Variants in ZNF57 observed in about 807,000 individuals in gnomAD.
ZNF57 encodes zinc finger protein 424.
Under a neutral mutation model 13.4 loss-of-function variants are expected in ZNF57, and 11 were observed. The ratio of observed to expected loss-of-function variants is 0.82; its 90% CI spans 0.52 to 1.36. The LOEUF (loss-of-function observed/expected upper bound fraction) is 1.36. Ranked by LOEUF, ZNF57 falls within the 40% of genes most tolerant of loss-of-function variation. ZNF57 has a pLI of 0.00. For synonymous variants in ZNF57, 224 were observed against 238.5 expected (o/e 0.94, Z 0.56); for missense variants, 696 against 667.5 (o/e 1.04, Z -0.47).
chr19:2,908,195 T>C (rs2088092873), intron 1 of ZNF57, among the ~76,000 whole-genome samples: 1 of 152,210 alleles, frequency 6.6e-6, no homozygotes, highest in Non-Finnish European at 1.5e-5. Context: ...ATCTCTTTGT[T>C]CTGTTGGGGT....
chr19:2,907,229 G>C (rs1337791087), intron 1 of ZNF57: 1 of 152,198 alleles, frequency 6.6e-6, no homozygotes, highest in Admixed American at 6.5e-5. Context: ...TCTGGCCGTG[G>C]GTGTTGATAA....
chr19:2,911,934 A>C (rs1232800934), intron 1 of ZNF57, among the ~76,000 whole-genome samples: 1 of 152,156 alleles, frequency 6.6e-6, no homozygotes, highest in Non-Finnish European at 1.5e-5. Flanking sequence ...TGATAATTCC[A>C]ATGTCCCTGC....
intron 3 of ZNF57, chr19:2,916,688 C>A: frequency 3.1e-6 from 1 of 326,778 alleles, no homozygotes; most frequent in Non-Finnish European, 5.5e-6. Context: ...TGCACTCCAG[C>A]CTGGGTGACA....
At position 2,916,806 on chromosome 19, in the gene ZNF57, T is replaced by TAGAAAAACTTCACGTATACTGAA; in HGVS notation, c.303-116_303-94dup. The stretch of plus-strand genomic sequence containing the variant: ...ATATGTCTCTTCAAACAATTCAGAA[T>TAGAAAAACTTCACGTATACTGAA]AGAAAAACTTCACGTATACTGAAAT... On this transcript the variant is annotated intron_variant, in intron 3 of 3. Transcript: ENST00000306908. 3.6e-6 allele frequency: 3 copies of TAGAAAAACTTCACGTATACTGAA among 838,408 alleles called. No individual in the cohort carries two copies. In the Admixed American group the frequency reaches 9.8e-5, roughly 28 times the overall value. 51.9% of individuals were successfully genotyped at this position (838,408 alleles called of 1,614,324 possible). A position where few individuals can be genotyped will look rare whatever the true frequency, so the allele number is the denominator to read the frequency against.
intron 1 of ZNF57, among the ~76,000 whole-genome samples, chr19:2,906,608 G>C (rs1226129176): frequency 6.6e-6 from 1 of 152,182 alleles, no homozygotes; most frequent in Non-Finnish European, 1.5e-5. Context: ...TAAAGAAACA[G>C]TCCAAAGCCA....
At chr19:2,911,426 G>A (rs960019724) in intron 1 of ZNF57, among the ~76,000 whole-genome samples, 7 of 152,056 alleles carry the variant, frequency 4.6e-5, no homozygotes, top group Non-Finnish European at 7.4e-5. Context: ...CCAGCTGCTC[G>A]GGAGGCTGAT....
At position 2,904,791 on chromosome 19, in the gene ZNF57, C is replaced by G. The variant is rs532871532; in HGVS notation, c.3+3743C>G. On this transcript the variant is annotated intron_variant, in intron 1 of 3. Transcript: ENST00000306908. ...TCTTGGCCTCAAGTGATCTACCTGC[C>G]TCAGCCTCCCAAAGTGCTGGGATTA... Among the ~76,000 whole-genome samples, 7 of 152,294 alleles carry G rather than the reference C, an allele frequency of 4.6e-5. No homozygotes were observed. In the East Asian group the frequency reaches 1.4e-3, roughly 29 times the overall value.
rs528435176 is a variant in ZNF57 at position 2,910,853 on chromosome 19, G to C, written c.4-4669G>C. ...TCGTGATCCGCCCGCCTCGGCCTCC[G>C]GAAGTGCTGGGATGACGGGCGTGAG... On this transcript the variant is annotated intron_variant, in intron 1 of 3. Transcript: ENST00000306908. Among the ~76,000 whole-genome samples the C allele has an allele frequency of 1.4e-3, 198 of 142,548 alleles. 6 individuals carry two copies. The highest frequency in any genetic ancestry group is 4.7e-3 in the African/African-American group (176 of 37,316). 93.5% of individuals were successfully genotyped at this position (142,548 alleles called of 152,430 possible).
chr19:2,916,227 GA>G lies in ZNF57; in HGVS notation c.282del (p.Asp95ThrfsTer6). ...AAAAAATTGTGAAGGCTATGGCACT[GA>G]AGACCACCACAAAAATCTGAGGTGA... Reference protein sequence around the residue: ...LEKNCEGYGTEDHHKNLRNHM... With the variant: ...LEKNCEGYGTXDHHKNLRNHM... On this transcript the variant is annotated frameshift_variant, in exon 3 of 4. Transcript: ENST00000306908. LOFTEE classifies it low-confidence loss of function (END_TRUNC). The G allele has an allele frequency of 6.2e-7, 1 of 1,607,730 alleles. No individual in the cohort carries two copies. The highest frequency in any genetic ancestry group is 8.5e-7 in the Non-Finnish European group (1 of 1,177,800).
intron 1 of ZNF57, among the ~76,000 whole-genome samples, chr19:2,911,109 T>C (rs78721077): frequency 0.013 from 1,936 of 152,116 alleles, 38 homozygotes; most frequent in African/African-American, 0.044. Flanking sequence ...ATCAGCCAGG[T>C]TGGAGTGCAG....
chr19:2,908,323 G>A (rs1024764730), intron 1 of ZNF57, among the ~76,000 whole-genome samples: 3 of 151,894 alleles, frequency 2.0e-5, no homozygotes, highest in East Asian at 1.9e-4. Flanking sequence ...GGTCATGGGC[G>A]TCTTCATTTT....
intron 2 of ZNF57, 57 bp downstream of exon 2, chr19:2,915,705 A>C (rs765326423): frequency 1.5e-5 from 24 of 1,611,612 alleles, no homozygotes; most frequent in Non-Finnish European, 2.0e-5. Context: ...CTTTCTCATC[A>C]GTTCTGTTGC....
At position 2,917,461 on chromosome 19, in the gene ZNF57, T is replaced by A. The variant is rs200527158; in HGVS notation, c.840T>A (p.Tyr280Ter). 1 of 1,614,052 alleles carries A rather than the reference T, an allele frequency of 6.2e-7. No homozygotes were observed. The highest frequency in any genetic ancestry group is 8.5e-7 in the Non-Finnish European group (1 of 1,179,996). The change falls in exon 4 of 4, where the codon TAT (tyrosine) becomes TAA (stop). Residue 280 changes from tyrosine to a stop codon, truncating the protein, a stop_gained. Transcript: ENST00000306908. LOFTEE classifies it low-confidence loss of function (END_TRUNC). ...HMTTHTGEKPYKCQHCGKAFT... is the reference protein window; with the variant it reads ...HMTTHTGEKP The stretch of plus-strand genomic sequence containing the variant: ...CAACACACACTGGAGAGAAGCCCTA[T>A]AAATGTCAGCACTGTGGGAAAGCCT...
rs780402397 is a variant in ZNF57 at position 2,915,599 on chromosome 19, C to T, written c.81C>T (p.Asp27=). ...CTTTGCTGGATTCTGCTCAGAGGGA[C>T]CTCTACAGAGATGTGATGCTGGAGA... ...EWALLDSAQR[D]LYRDVMLETF... Residue 27 remains aspartate (D), a synonymous_variant, in exon 2 of 4, where the codon GAC becomes GAT. Transcript: ENST00000306908. 100 of 1,613,890 alleles carry T rather than the reference C, an allele frequency of 6.2e-5. No homozygotes were observed. The highest frequency in any genetic ancestry group is 8.2e-5 in the Non-Finnish European group (97 of 1,179,948).
chr19:2,916,361 A>G, intron 3 of ZNF57, 112 bp downstream of exon 3: 1 of 589,848 alleles, frequency 1.7e-6, no homozygotes, highest in East Asian at 4.4e-5. Flanking sequence ...AATTTTAACC[A>G]AAAAAAAAAA....
chr19:2,901,093 G>T lies in ZNF57; in HGVS notation c.3+45G>T, dbSNP rs758762380. The T allele has an allele frequency of 1.6e-5, 24 of 1,497,780 alleles. No homozygotes were observed. In the Admixed American group the frequency reaches 4.9e-4, roughly 31 times the overall value. 92.8% of individuals were successfully genotyped at this position (1,497,780 alleles called of 1,614,324 possible). On this transcript the variant is annotated intron_variant, in intron 1 of 3. Transcript: ENST00000306908. Reference sequence around the variant, plus strand: ...AGAGCCAGGGGACGGTCGGAGCGACGGGAACCGGCTGGAACCAGAGTCCGC... The same window carrying T: ...AGAGCCAGGGGACGGTCGGAGCGACTGGAACCGGCTGGAACCAGAGTCCGC...
chr19:2,903,312 A>C (rs1286501073), intron 1 of ZNF57, among the ~76,000 whole-genome samples: 1 of 152,132 alleles, frequency 6.6e-6, no homozygotes, highest in Non-Finnish European at 1.5e-5. Flanking sequence ...CCCGGGTTCA[A>C]GCAATTCTCC....
chr19:2,913,094 C>T (rs1292905679), intron 1 of ZNF57, among the ~76,000 whole-genome samples: 1 of 152,172 alleles, frequency 6.6e-6, no homozygotes, highest in Non-Finnish European at 1.5e-5. Context: ...GCTGGGATTA[C>T]AGGCATCCGC....
intron 1 of ZNF57, among the ~76,000 whole-genome samples, chr19:2,909,068 G>A (rs2058336340): frequency 6.6e-6 from 1 of 152,068 alleles, no homozygotes; most frequent in South Asian, 2.1e-4. Flanking sequence ...TATCTACTGT[G>A]TGGGCTGTAC....
Sources: allele counts gnomAD v4.1 joint callset (sites outside exome capture counted in the v4.1 genomes callset), GRCh38; gene constraint gnomAD v4.1.1; transcripts MANE v1.5; gene names NCBI Gene and HGNC (gene_info 2026-07-23, HGNC 2026-07-21).